The following XXYLT1 variants were observed in gnomAD, a reference collection of about 807,000 sequenced individuals.
XXYLT1 encodes xyloside xylosyltransferase 1, also known as UDP-xylose:alpha-xyloside alpha-1,3-xylosyltransferase.
Under a neutral mutation model 28.9 loss-of-function variants are expected in XXYLT1, and 20 were observed. The observed-to-expected ratio is 0.69, with a 90% CI of 0.49 to 1.00. The LOEUF is 1.00. XXYLT1 is among the 50% of genes least tolerant of loss of function. XXYLT1 has a pLI of 0.00. For missense variants in XXYLT1, 542 were observed against 560.1 expected (o/e 0.97, Z 0.33); for synonymous variants, 257 against 253.8 (o/e 1.01, Z -0.12).
intron 3 of XXYLT1, among the ~76,000 whole-genome samples, chr3:195,103,629 C>A (rs758639344): frequency 1.3e-5 from 2 of 152,318 alleles, no homozygotes; most frequent in Admixed American, 6.5e-5. Context: ...TGTGCCTTTA[C>A]CTAGACTCAG....
At chr3:195,185,083 G>GA (rs1410702887) in intron 2 of XXYLT1, among the ~76,000 whole-genome samples, 1 of 95,012 alleles carries the variant, frequency 1.1e-5, no homozygotes, top group Non-Finnish European at 1.9e-5. Context: ...AGGAAAGAAG[G>GA]AAGAAGGAAG....
intron 3 of XXYLT1, among the ~76,000 whole-genome samples, chr3:195,073,788 AACTT>A (rs1264116700): frequency 6.6e-6 from 1 of 152,216 alleles, no homozygotes; most frequent in Non-Finnish European, 1.5e-5. Flanking sequence ...CATTGAATAT[AACTT>A]AATAATCATA....
chr3:195,202,172 G>A (rs371315984), intron 2 of XXYLT1, among the ~76,000 whole-genome samples: 24 of 151,792 alleles, frequency 1.6e-4, no homozygotes, highest in East Asian at 3.9e-4. Context: ...GTGAGACTCC[G>A]TCTCAAAAAA....
At chr3:195,186,958 G>C (rs1454010855) in intron 2 of XXYLT1, among the ~76,000 whole-genome samples, 1 of 150,286 alleles carries the variant, frequency 6.7e-6, no homozygotes, top group East Asian at 2.0e-4. Context: ...GCAGTGGCGC[G>C]ATCTCGGCTC....
intron 2 of XXYLT1, among the ~76,000 whole-genome samples, chr3:195,166,691 T>G (rs1303070856): frequency 1.3e-5 from 2 of 152,100 alleles, no homozygotes; most frequent in Non-Finnish European, 2.9e-5. Flanking sequence ...TTTATTGATT[T>G]ATTGATTTTG....
At chr3:195,261,946 T>C (rs536615412) in intron 1 of XXYLT1, among the ~76,000 whole-genome samples, 64 of 152,296 alleles carry the variant, frequency 4.2e-4, no homozygotes, top group African/African-American at 1.5e-3. Flanking sequence ...GCTACTGAGT[T>C]TGGCAGTTCC....
chr3:195,232,332 A>C (rs1477273792), intron 1 of XXYLT1, among the ~76,000 whole-genome samples: 1 of 151,944 alleles, frequency 6.6e-6, no homozygotes, highest in African/African-American at 2.4e-5. Context: ...TACCAAAAAA[A>C]AACTTTTCAT....
intron 2 of XXYLT1, among the ~76,000 whole-genome samples, chr3:195,157,870 A>C (rs987398895): frequency 2.6e-5 from 4 of 152,134 alleles, no homozygotes; most frequent in African/African-American, 9.7e-5. Context: ...TGACCCAGGG[A>C]AAGTTATTTT....
At chr3:195,140,652 T>TGA (rs895077526) in intron 3 of XXYLT1, among the ~76,000 whole-genome samples, 1 of 147,218 alleles carries the variant, frequency 6.8e-6, no homozygotes, top group African/African-American at 2.5e-5. Flanking sequence ...AGAGAGAGAG[T>TGA]GAGAGAGAGA....
chr3:195,086,184 C>T (rs115689015), intron 3 of XXYLT1, among the ~76,000 whole-genome samples: 130 of 152,314 alleles, frequency 8.5e-4, no homozygotes, highest in African/African-American at 3.0e-3. Flanking sequence ...CAGCACTCTA[C>T]AGCACTGTCC....
chr3:195,133,899 A>G lies in XXYLT1; in HGVS notation c.785+22550T>C, dbSNP rs1426637156. 7.2e-5 allele frequency among the ~76,000 whole-genome samples: 11 copies of G among 152,218 alleles called. No homozygotes were observed. The highest frequency in any genetic ancestry group is 1.6e-4 in the Non-Finnish European group (11 of 68,044). ...TACAAAATGGAAAAAAGCTTACAGA[A>G]TAAGGATAAAAAGAAAAAGTATTTA... On this transcript the variant is annotated intron_variant, in intron 3 of 3. Transcript: ENST00000310380. This position sits in a 1 kb window ranked among gnomAD's most constrained non-coding sequence, Gnocchi z 4.4.
At chr3:195,127,134 G>A (rs930183806) in intron 3 of XXYLT1, among the ~76,000 whole-genome samples, 25 of 152,280 alleles carry the variant, frequency 1.6e-4, no homozygotes, top group African/African-American at 4.6e-4. Flanking sequence ...AAGAGTCTTC[G>A]CTTTGGGAAA....
intron 3 of XXYLT1, among the ~76,000 whole-genome samples, chr3:195,119,369 A>G (rs1718224416): frequency 6.6e-6 from 1 of 152,076 alleles, no homozygotes; most frequent in African/African-American, 2.4e-5. Context: ...TAAAATGACT[A>G]TGTGACCTTA....
chr3:195,100,317 G>A (rs1376628393), intron 3 of XXYLT1, among the ~76,000 whole-genome samples: 1 of 152,100 alleles, frequency 6.6e-6, no homozygotes, highest in Non-Finnish European at 1.5e-5. Context: ...GGGAAAGTGT[G>A]GCCTATATGG....
intron 3 of XXYLT1, chr3:195,095,376 A>G (rs1020947096): frequency 7.8e-5 from 12 of 153,914 alleles, no homozygotes; most frequent in African/African-American, 2.9e-4. Flanking sequence ...GGTGCACGGC[A>G]GGTGGGTGAT....
chr3:195,211,916 G>A (rs551141498), intron 2 of XXYLT1, among the ~76,000 whole-genome samples: 94 of 143,570 alleles, frequency 6.5e-4, no homozygotes, highest in Non-Finnish European at 1.2e-3. Flanking sequence ...ATGCCACCAG[G>A]AAGATCTGGA....
rs370814633 is a variant in XXYLT1, at chr3:195,220,185, C to CA, written c.652+6523_652+6524insT. On this transcript the variant is annotated intron_variant, in intron 2 of 3. Transcript: ENST00000310380. ...GTCTCACTCTATTACACTGTTACCCCGGCTGGAGTACAGTGGTGCTATCTA... is the reference window on the plus strand; with the variant it reads ...GTCTCACTCTATTACACTGTTACCCCAGGCTGGAGTACAGTGGTGCTATCTA... Among the ~76,000 whole-genome samples, 869 of 152,194 alleles carry CA rather than the reference C, an allele frequency of 5.7e-3. 4 individuals are homozygous for CA. Among genetic ancestry groups the CA allele is most frequent in the Non-Finnish European group, 8.2e-3 (560 of 68,004 alleles).
chr3:195,270,573 G>C lies in XXYLT1; in HGVS notation c.486C>G (p.Ala162=). ...KGLLRELLPP[A]AGFKCKVIFH... ...CGCTCACCTTGCACTTGAAGCCAGC[G>C]GCGGGCGGCAGGAGCTCCCGCAGCA... The change falls in exon 1 of 4, where the codon GCC becomes GCG. Residue 162 remains alanine, a synonymous_variant. Transcript: ENST00000310380. 1 of 1,383,526 alleles carries C rather than the reference G, an allele frequency of 7.2e-7. No individual in the cohort carries two copies. Among genetic ancestry groups the C allele is most frequent in the South Asian group, 1.6e-5 (1 of 62,744 alleles). The allele number at this position is 1,383,526 out of a possible 1,614,324, so 85.7% of individuals were successfully genotyped here. A position where few individuals can be genotyped will look rare whatever the true frequency, so the allele number is the denominator to read the frequency against.
intron 3 of XXYLT1, among the ~76,000 whole-genome samples, chr3:195,083,021 G>A (rs1207529840): frequency 2.0e-5 from 3 of 152,128 alleles, no homozygotes; most frequent in East Asian, 1.9e-4. Flanking sequence ...CTGGCCAGCC[G>A]AATTCCACAA....
Sources: gnomAD v4.1 joint callset for allele counts (sites outside exome capture counted in the v4.1 genomes callset) on GRCh38, gnomAD v4.1.1 for gene constraint, Gnocchi (gnomAD v3.1) non-coding constraint, MANE v1.5 for transcripts, NCBI Gene and HGNC (gene_info 2026-07-23, HGNC 2026-07-21) for gene names.